The following HEPHL1 variants were observed in gnomAD, a reference collection of about 807,000 sequenced individuals.
HEPHL1 encodes the protein hephaestin like 1, also known as ferroxidase HEPHL1.
A neutral mutation model predicts 122.0 loss-of-function variants in HEPHL1; 123 were observed. The ratio of observed to expected loss-of-function variants is 1.01; its 90% CI spans 0.87 to 1.17. The LOEUF is 1.17. HEPHL1 is among the 50% of genes most tolerant of loss of function. The pLI is 0.00. For synonymous variants in HEPHL1, 527 were observed against 508.9 expected (o/e 1.04, Z -0.48); for missense variants, 1,452 against 1,430.5 (o/e 1.01, Z -0.24).
intron 4 of HEPHL1, among the ~76,000 whole-genome samples, chr11:94,066,073 C>T (rs1194749444): frequency 6.6e-6 from 1 of 152,136 alleles, no homozygotes; most frequent in Non-Finnish European, 1.5e-5. Context: ...TGGCACATGC[C>T]TGTGGTCCCA....
chr11:94,069,863 G>A (rs1377590234), intron 5 of HEPHL1, among the ~76,000 whole-genome samples: 1 of 152,052 alleles, frequency 6.6e-6, no homozygotes, highest in Non-Finnish European at 1.5e-5. Flanking sequence ...AAAAGCTATG[G>A]ACATACATTG....
chr11:94,106,244 T>C (rs1946407628), intron 17 of HEPHL1, 114 bp downstream of exon 17: 2 of 739,742 alleles, frequency 2.7e-6, no homozygotes, highest in Admixed American at 5.2e-5. Flanking sequence ...TAGGTGAGAA[T>C]GGAACAGAAT....
intron 17 of HEPHL1, among the ~76,000 whole-genome samples, chr11:94,108,613 T>C (rs1157725787): frequency 6.6e-6 from 1 of 152,002 alleles, no homozygotes; most frequent in Non-Finnish European, 1.5e-5. Flanking sequence ...TTTTTTCATA[T>C]ATATGTCCAA....
At position 94,099,928 on chromosome 11, in the gene HEPHL1, G is replaced by A. The variant is rs180791192; in HGVS notation, c.2435-1267G>A. On this transcript the variant is annotated intron_variant, in intron 13 of 19. Transcript: ENST00000315765. ...CCATCTGTCACAGCTTCCCTTGGTC[G>A]GAAAGGGAATTCCCTGACCCCTTGT... Among the ~76,000 whole-genome samples, 737 of 152,206 alleles carry A rather than the reference G, an allele frequency of 4.8e-3. 1 individual carries two copies. Among genetic ancestry groups the A allele is most frequent in the Non-Finnish European group, 7.5e-3 (512 of 68,012 alleles).
At chr11:94,025,009 T>G (rs1254477514) in intron 1 of HEPHL1, among the ~76,000 whole-genome samples, 1 of 152,104 alleles carries the variant, frequency 6.6e-6, no homozygotes, top group East Asian at 1.9e-4. Flanking sequence ...AGATGGTGGG[T>G]GCCAAAGTTT....
chr11:94,069,538 A>G (rs1186228965), intron 5 of HEPHL1, among the ~76,000 whole-genome samples: 1 of 152,184 alleles, frequency 6.6e-6, no homozygotes, highest in African/African-American at 2.4e-5. Flanking sequence ...GTATTTTAAA[A>G]AATGAAATCA....
rs992257644 is a variant in HEPHL1, at chr11:94,106,225, TTG to T, written c.3045+98_3045+99del. On this transcript the variant is annotated intron_variant, in intron 17 of 19. Transcript: ENST00000315765. ...AATAAGAGTTACTTGGCAATAATGC[TTG>T]TGAGGATAGGTGAGAATGGAACAGA... The T allele has an allele frequency of 5.3e-6, 5 of 936,234 alleles. No individual in the cohort carries two copies. The African/African-American group carries it at 8.2e-5, about 15-fold the overall frequency. The allele number at this position is 936,234 out of a possible 1,614,324, so 58.0% of individuals were successfully genotyped here. A position where few individuals can be genotyped will look rare whatever the true frequency, so the allele number is the denominator to read the frequency against.
At chr11:94,047,492 G>A (rs1945850884) in intron 2 of HEPHL1, among the ~76,000 whole-genome samples, 1 of 151,872 alleles carries the variant, frequency 6.6e-6, no homozygotes, top group African/African-American at 2.4e-5. Context: ...AGTTTGCTAA[G>A]GATAATGGCC....
chr11:94,110,967 T>C lies in HEPHL1; in HGVS notation c.3110T>C (p.Leu1037Pro). 2 of 1,612,962 alleles carry C rather than the reference T, an allele frequency of 1.2e-6. No homozygotes were observed. Among genetic ancestry groups the C allele is most frequent in the Non-Finnish European group, 8.5e-7 (1 of 1,179,466 alleles). Residue 1037 changes from leucine (L) to proline (P), a missense_variant, in exon 18 of 20, where the codon CTG (leucine) becomes CCG (proline). Leu to Pro is a moderately conservative substitution (Grantham distance 98, BLOSUM62 -3). Coordinates refer to ENST00000315765, the MANE Select transcript of HEPHL1 (RefSeq NM_001098672.2). ...LFPGTFQTIELFADHPGTWLL... is the reference protein window; with the variant it reads ...LFPGTFQTIEPFADHPGTWLL... ...CCTGGGACATTCCAAACCATTGAAC[T>C]GTTTGCAGATCACCCAGGGACATGG...
intron 2 of HEPHL1, among the ~76,000 whole-genome samples, chr11:94,046,124 TCAC>T (rs772321966): frequency 9.2e-4 from 87 of 94,280 alleles, no homozygotes; most frequent in Non-Finnish European, 1.6e-3. Flanking sequence ...AGAGGTAGTC[TCAC>T]TCTGTTGCCC....
At chr11:94,035,881 C>T (rs1024126049) in intron 1 of HEPHL1, among the ~76,000 whole-genome samples, 3 of 152,090 alleles carry the variant, frequency 2.0e-5, no homozygotes, top group African/African-American at 7.2e-5. Flanking sequence ...GGACTACAGG[C>T]GCCCGTTACC....
At chr11:94,111,156 C>A in intron 18 of HEPHL1, 91 bp downstream of exon 18, 1 of 1,002,384 alleles carries the variant, frequency 1.0e-6, no homozygotes, top group Non-Finnish European at 1.5e-6. Flanking sequence ...CAGATATAGC[C>A]CTCAACAAGC....
At chr11:94,104,309 C>T (rs1018617221) in intron 15 of HEPHL1, among the ~76,000 whole-genome samples, 8 of 151,948 alleles carry the variant, frequency 5.3e-5, no homozygotes, top group Admixed American at 3.9e-4. Context: ...CTGTAGGCCA[C>T]GGAAAATCAC....
In HEPHL1 at chr11:94,101,189, C is replaced by G. The variant is rs1946364486; in HGVS notation, c.2435-6C>G. On this transcript the variant is annotated splice_polypyrimidine_tract_variant and splice_region_variant and intron_variant, in intron 13 of 19. Transcript: ENST00000315765. The stretch of plus-strand genomic sequence containing the variant: ...TAATGCACACAGGCCTGTGTTTTGC[C>G]TTTAGGCCCAATGATTCATGCTGAG... 4 of 1,613,572 alleles carry G rather than the reference C, an allele frequency of 2.5e-6. No individual in the cohort carries two copies. The highest frequency in any genetic ancestry group is 2.5e-6 in the Non-Finnish European group (3 of 1,179,728).
At chr11:94,063,380 A>C in intron 2 of HEPHL1, 128 bp from the exon 3 acceptor site, 2 of 729,042 alleles carry the variant, frequency 2.7e-6, no homozygotes, top group South Asian at 3.8e-5. Flanking sequence ...ACTTGCCTCA[A>C]GTCCCATAGC....
chr11:94,054,419 C>T (rs184954951), intron 2 of HEPHL1, among the ~76,000 whole-genome samples: 21 of 150,672 alleles, frequency 1.4e-4, no homozygotes, highest in Non-Finnish European at 2.7e-4. Flanking sequence ...CTACCCATTT[C>T]AACAGAAGCA....
chr11:94,055,200 G>A, intron 2 of HEPHL1: 1 of 259,848 alleles, frequency 3.8e-6, no homozygotes, highest in South Asian at 4.5e-5. Context: ...AGACTCCCTT[G>A]GCAGAGATGA....
chr11:94,103,046 G>T (rs756000657), intron 15 of HEPHL1, 26 bp downstream of exon 15: 5 of 1,314,764 alleles, frequency 3.8e-6, no homozygotes, highest in Non-Finnish European at 5.5e-6. Context: ...CAACCAAAAG[G>T]CTTAAAATAA....
At chr11:94,042,614 C>G (rs1464156594) in intron 1 of HEPHL1, among the ~76,000 whole-genome samples, 1 of 150,550 alleles carries the variant, frequency 6.6e-6, no homozygotes, top group Non-Finnish European at 1.5e-5. Context: ...TCTCAGTAAA[C>G]TATCGCGAGA....
Sources: gnomAD v4.1 joint callset for allele counts (sites outside exome capture counted in the v4.1 genomes callset) on GRCh38, gnomAD v4.1.1 for gene constraint, MANE v1.5 for transcripts, NCBI Gene and HGNC (gene_info 2026-07-23, HGNC 2026-07-21) for gene names.